The following IQANK1 variants were observed in gnomAD, a reference collection of about 807,000 sequenced individuals.
The protein encoded by IQANK1 is IQ motif and ankyrin repeat containing 1, also known as IQ motif and ankyrin repeat domain-containing protein 1.
A neutral mutation model predicts 22.6 loss-of-function variants in IQANK1; 30 were observed. The ratio of observed to expected loss-of-function variants is 1.33; its 90% CI spans 0.99 to 1.80. The LOEUF is 1.80. IQANK1 is among the 40% of genes most tolerant of loss of function. The probability of loss-of-function intolerance (pLI) is 0.00; values close to 1 mark genes in which losing one functional copy is unlikely to be tolerated. For synonymous variants in IQANK1, 122 were observed against 99.6 expected, an observed-to-expected ratio of 1.23 and a Z score of -1.34; for missense variants, 275 against 235.2, an observed-to-expected ratio of 1.17 and a Z score of -1.11.
At chr8:143,752,868 A>G (rs1293337179) in intron 3 of IQANK1, among the ~76,000 whole-genome samples, 2 of 151,558 alleles carry the variant, frequency 1.3e-5, no homozygotes, top group Admixed American at 1.3e-4. Flanking sequence ...CTCAGAACAT[A>G]TTTTTGTTGT....
chr8:143,790,143 T>C lies in IQANK1; in HGVS notation c.1296T>C (p.Pro432=). ...ACCTGATGGGTGTCCCCAGGTGGCC[T>C]CTTGTTATTGACCCTTTGGGCCAGG... ...GNRIRADGRW[P]LVIDPLGQAA... is the part of the protein sequence containing the mutation. The change falls in exon 13 of 14, where the codon CCT becomes CCC. Residue 432 remains proline (P), a synonymous_variant. Coordinates refer to ENST00000527139, the MANE Select transcript of IQANK1 (RefSeq NM_001381874.1). 2.4e-6 allele frequency: 3 copies of C among 1,232,038 alleles called. No homozygotes were observed. Among genetic ancestry groups the C allele is most frequent in the Non-Finnish European group, 3.0e-6 (3 of 987,970 alleles). 76.3% of individuals were successfully genotyped at this position (1,232,038 alleles called of 1,614,324 possible).
chr8:143,763,344 G>C (rs1375185339), intron 3 of IQANK1, among the ~76,000 whole-genome samples: 2 of 152,206 alleles, frequency 1.3e-5, no homozygotes, highest in African/African-American at 2.4e-5. Flanking sequence ...GTAAGAATAT[G>C]ATAATGGTAG....
intron 3 of IQANK1, among the ~76,000 whole-genome samples, chr8:143,749,250 T>A (rs1286038243): frequency 8.1e-6 from 1 of 123,960 alleles, no homozygotes; most frequent in Non-Finnish European, 1.6e-5. Flanking sequence ...ATCATATATG[T>A]TATATATGAT....
chr8:143,741,387 G>T (rs1818909934), intron 3 of IQANK1, among the ~76,000 whole-genome samples: 1 of 152,188 alleles, frequency 6.6e-6, no homozygotes, highest in African/African-American at 2.4e-5. Context: ...CCCATCAGGA[G>T]CCTGTACCTG....
chr8:143,787,747 C>T (rs1335460948), intron 7 of IQANK1, among the ~76,000 whole-genome samples: 1 of 152,186 alleles, frequency 6.6e-6, no homozygotes, highest in Non-Finnish European at 1.5e-5. Context: ...CACCCGCGCA[C>T]CCCACCTCCT....
intron 3 of IQANK1, among the ~76,000 whole-genome samples, chr8:143,748,608 A>C (rs1240462099): frequency 2.3e-5 from 3 of 130,082 alleles, no homozygotes; most frequent in Non-Finnish European, 4.6e-5. Context: ...TATCATATAT[A>C]ATATATAAAT....
intron 3 of IQANK1, among the ~76,000 whole-genome samples, chr8:143,747,122 A>G (rs1440187969): frequency 6.6e-6 from 1 of 151,548 alleles, no homozygotes; most frequent in Non-Finnish European, 1.5e-5. Flanking sequence ...CTCGTGATCC[A>G]CCCGCCTTGG....
At chr8:143,741,902 G>T in intron 3 of IQANK1, 1 of 181,690 alleles carries the variant, frequency 5.5e-6, no homozygotes, top group South Asian at 1.3e-4. Context: ...AAGAGGGCTT[G>T]TTCTGCGTGG....
chr8:143,748,758 A>AAT (rs545217219), intron 3 of IQANK1, among the ~76,000 whole-genome samples: 8 of 110,972 alleles, frequency 7.2e-5, no homozygotes, highest in African/African-American at 3.1e-4. Flanking sequence ...ATATCATATA[A>AAT]ATATATATAA....
intron 3 of IQANK1, among the ~76,000 whole-genome samples, chr8:143,752,636 A>C (rs1819215991): frequency 6.6e-6 from 1 of 152,290 alleles, no homozygotes; most frequent in South Asian, 2.1e-4. Flanking sequence ...CTGTATTTTT[A>C]CTGTACTTTT....
rs578171021 is a variant in IQANK1 at position 143,741,998 on chromosome 8, G to C, written c.175+2050G>C. The C allele has an allele frequency of 6.5e-5, 16 of 246,594 alleles. No homozygotes were observed. The East Asian group carries it at 9.4e-4, about 15-fold the overall frequency. 15.3% of individuals were successfully genotyped at this position (246,594 alleles called of 1,614,324 possible). On this transcript the variant is annotated intron_variant, in intron 3 of 13. Coordinates refer to ENST00000527139, the MANE Select transcript of IQANK1 (RefSeq NM_001381874.1). Reference sequence around the variant, plus strand: ...TCCTGCCCCCATGCCACTCTGCCCCGGGGCCTGCTGGCTGACGTCCATGGT... The same window carrying C: ...TCCTGCCCCCATGCCACTCTGCCCCCGGGCCTGCTGGCTGACGTCCATGGT...
intron 3 of IQANK1, among the ~76,000 whole-genome samples, chr8:143,749,091 A>AATATATAGCATATATGATATAAACGT (rs1265183081): frequency 2.4e-5 from 3 of 122,600 alleles, no homozygotes; most frequent in Non-Finnish European, 4.7e-5. Context: ...AATGTATATA[A>AATATATAGCATATATGATATAAACGT]ATATATAGCA....
chr8:143,763,042 A>G, intron 3 of IQANK1, among the ~76,000 whole-genome samples: 1 of 145,514 alleles, frequency 6.9e-6, no homozygotes, highest in Non-Finnish European at 1.5e-5. Context: ...CTTAAAACTG[A>G]GTCTTGCTCT....
At chr8:143,788,692 G>A (rs376024007) in intron 7 of IQANK1, among the ~76,000 whole-genome samples, 1 of 152,310 alleles carries the variant, frequency 6.6e-6, no homozygotes, top group East Asian at 1.9e-4. Flanking sequence ...GACTTGGTCA[G>A]GGAGCCCAGG....
rs1172244804 is a variant in IQANK1, at chr8:143,758,487, A to C, written c.176-13001A>C. On this transcript the variant is annotated intron_variant, in intron 3 of 13. Transcript: ENST00000527139. This position sits in a 1 kb window ranked among gnomAD's most constrained non-coding sequence, Gnocchi z 4.2. ...TCAAAAAGAAAAAAAAAAGAAGATGAAACATTTTATCTGGGTGAAGGGATG... is the reference window on the plus strand; with the variant it reads ...TCAAAAAGAAAAAAAAAAGAAGATGCAACATTTTATCTGGGTGAAGGGATG... 6.6e-6 allele frequency: 1 copy of C among 152,318 alleles called. No homozygotes were observed. Among genetic ancestry groups the C allele is most frequent in the Admixed American group, 6.5e-5 (1 of 15,270 alleles). 9.4% of individuals were successfully genotyped at this position (152,318 alleles called of 1,614,324 possible).
intron 7 of IQANK1, among the ~76,000 whole-genome samples, chr8:143,778,918 C>T (rs111652192): frequency 0.04 from 6,115 of 152,114 alleles, 383 homozygotes; most frequent in African/African-American, 0.13. Context: ...TGCGCCACCA[C>T]GCCCAGCTAA....
rs1372999102 is a variant in IQANK1, at chr8:143,745,106, G to T, written c.175+5158G>T. 2 of 152,336 alleles carry T rather than the reference G, an allele frequency of 1.3e-5. 1 individual carries two copies. The highest frequency in any genetic ancestry group is 1.3e-4 in the Admixed American group (2 of 15,288). The allele number at this position is 152,336 out of a possible 1,614,324, so 9.4% of individuals were successfully genotyped here. A position where few individuals can be genotyped will look rare whatever the true frequency, so the allele number is the denominator to read the frequency against. Reference sequence around the variant, plus strand: ...CGTAACTGGTGGGAGTGGTTGGCATGCTTTGTATTGGGAGAGCCGCACGCC... The same window carrying T: ...CGTAACTGGTGGGAGTGGTTGGCATTCTTTGTATTGGGAGAGCCGCACGCC... On this transcript the variant is annotated intron_variant, in intron 3 of 13. Transcript: ENST00000527139.
intron 2 of IQANK1, among the ~76,000 whole-genome samples, chr8:143,737,752 C>T (rs1348721077): frequency 6.6e-6 from 1 of 152,206 alleles, no homozygotes; most frequent in African/African-American, 2.4e-5. Flanking sequence ...CCTCCTGTAG[C>T]TGCTGCAGCC....
intron 3 of IQANK1, chr8:143,760,276 T>G (rs1819370602): frequency 6.6e-6 from 1 of 152,160 alleles, no homozygotes; most frequent in Non-Finnish European, 1.5e-5. Flanking sequence ...ACCAAATCAG[T>G]TGCACAACTG....
Sources: allele counts gnomAD v4.1 joint callset (sites outside exome capture counted in the v4.1 genomes callset), GRCh38; gene constraint gnomAD v4.1.1; non-coding constraint Gnocchi (gnomAD v3.1); transcripts MANE v1.5; gene names NCBI Gene and HGNC (gene_info 2026-07-23, HGNC 2026-07-21).